PTBP3: variants seen among roughly 807,000 people sequenced by gnomAD.
PTBP3 encodes polypyrimidine tract-binding protein 3.
In PTBP3, 20 loss-of-function variants were observed where a neutral mutation model predicts 58.7. That is an observed-to-expected ratio of 0.34 (90% CI 0.24 to 0.50). The LOEUF (loss-of-function observed/expected upper bound fraction) is 0.50, where lower values mean the gene tolerates loss of function less well. Among genes scored for constraint, PTBP3 ranks in the 20% least tolerant of loss-of-function variants. The probability of loss-of-function intolerance (pLI) is 0.98; values close to 1 mark genes in which losing one functional copy is unlikely to be tolerated. For synonymous variants in PTBP3, 185 were observed against 219.8 expected (o/e 0.84, Z 1.40); for missense variants, 509 against 637.2 (o/e 0.80, Z 2.17).
chr9:112,352,045 G>A, the PTBP3 span, among the ~76,000 whole-genome samples: 1 of 151,776 alleles, frequency 6.6e-6, no homozygotes, highest in African/African-American at 2.4e-5. Flanking sequence ...AGCCTCCTGA[G>A]TAGCTGGGAC....
Position 112,297,900 on chromosome 9 carries a change from A to G in PTBP3, c.-35T>C. The G allele has an allele frequency of 6.2e-7, 1 of 1,613,300 alleles. No individual in the cohort carries two copies. Among genetic ancestry groups the G allele is most frequent in the Non-Finnish European group, 8.5e-7 (1 of 1,179,632 alleles). On this transcript the variant is annotated 5_prime_UTR_variant, in exon 2 of 14. Coordinates refer to ENST00000374257, the MANE Select transcript of PTBP3 (RefSeq NM_001163788.4). ...TCCGTTAATGATGCCAGAAGAAAGA[A>G]GCTCATCAGATCCCCGCTGAAAAGC...
chr9:112,275,786 T>C (rs970874516), intron 3 of PTBP3, 58 bp downstream of exon 3: 5 of 1,363,730 alleles, frequency 3.7e-6, no homozygotes, highest in Non-Finnish European at 5.0e-6. Flanking sequence ...ATAAAAATTA[T>C]CAGTAATACT....
At chr9:112,321,910 C>T (rs572710365) in intron 1 of PTBP3, among the ~76,000 whole-genome samples, 6 of 152,014 alleles carry the variant, frequency 3.9e-5, no homozygotes, top group African/African-American at 1.2e-4. Flanking sequence ...CCAAGGCGGG[C>T]GGATCACAAG....
At chr9:112,232,321 A>G (rs968273637) in intron 8 of PTBP3, 83 bp from the exon 9 acceptor site, 1 of 1,316,302 alleles carries the variant, frequency 7.6e-7, no homozygotes, top group African/African-American at 1.5e-5. Context: ...AATAAAGAGG[A>G]AAGGAAAACT....
chr9:112,282,205 CAAT>C (rs1827900443), intron 2 of PTBP3, among the ~76,000 whole-genome samples: 1 of 152,144 alleles, frequency 6.6e-6, no homozygotes, highest in African/African-American at 2.4e-5. Flanking sequence ...AACATTAAGT[CAAT>C]AATAATACCC....
chr9:112,305,800 C>A (rs1048510813), intron 1 of PTBP3, among the ~76,000 whole-genome samples: 1 of 152,020 alleles, frequency 6.6e-6, no homozygotes, highest in Non-Finnish European at 1.5e-5. Context: ...ATGAGCCGGG[C>A]GTGGTGACGG....
At chr9:112,282,013 G>A (rs1827888737) in intron 2 of PTBP3, among the ~76,000 whole-genome samples, 1 of 152,058 alleles carries the variant, frequency 6.6e-6, no homozygotes, top group Non-Finnish European at 1.5e-5. Flanking sequence ...TCCTCACACA[G>A]CAAGGAGAGA....
chr9:112,337,309 C>T (rs563202613), upstream of PTBP3, among the ~76,000 whole-genome samples: 1 of 152,158 alleles, frequency 6.6e-6, no homozygotes, highest in Non-Finnish European at 1.5e-5. Context: ...GGATTACAGG[C>T]GTGAGCCACC....
chr9:112,375,090 T>C, the PTBP3 span, among the ~76,000 whole-genome samples: 2 of 152,060 alleles, frequency 1.3e-5, no homozygotes, highest in Non-Finnish European at 2.9e-5. Flanking sequence ...ACAGGGGTGG[T>C]TGGGGAAAGA....
intron 1 of PTBP3, among the ~76,000 whole-genome samples, chr9:112,317,535 A>T (rs1829756111): frequency 6.6e-6 from 1 of 152,232 alleles, no homozygotes; most frequent in East Asian, 1.9e-4. Flanking sequence ...GCTGCTTTTC[A>T]AATAGACCAA....
chr9:112,300,474 C>A (rs539566034), intron 1 of PTBP3, among the ~76,000 whole-genome samples: 2 of 152,226 alleles, frequency 1.3e-5, no homozygotes, highest in African/African-American at 4.8e-5. Flanking sequence ...CAGTCACGGC[C>A]GGGCGTGGTG....
intron 7 of PTBP3, among the ~76,000 whole-genome samples, chr9:112,239,285 T>C (rs1835550034): frequency 6.6e-6 from 1 of 152,128 alleles, no homozygotes; most frequent in African/African-American, 2.4e-5. Context: ...CATGGTTATT[T>C]TGCTTCCAGA....
At chr9:112,376,952 AC>A in the PTBP3 span, among the ~76,000 whole-genome samples, 1 of 152,014 alleles carries the variant, frequency 6.6e-6, no homozygotes, top group Non-Finnish European at 1.5e-5. Flanking sequence ...AAGTTTTATG[AC>A]CCCTTTCTTC....
At chr9:112,301,411 T>C (rs1005545225) in intron 1 of PTBP3, among the ~76,000 whole-genome samples, 1 of 150,434 alleles carries the variant, frequency 6.6e-6, no homozygotes, top group African/African-American at 2.4e-5. Context: ...CAATGTAAAA[T>C]GGTACAGACA....
chr9:112,281,767 T>C (rs1020924492), intron 2 of PTBP3, among the ~76,000 whole-genome samples: 2 of 151,472 alleles, frequency 1.3e-5, no homozygotes, highest in Admixed American at 1.3e-4. Context: ...GTTTGGGAAT[T>C]TGTGTCTTTC....
At chr9:112,357,945 C>A in the PTBP3 span, among the ~76,000 whole-genome samples, 1 of 151,954 alleles carries the variant, frequency 6.6e-6, no homozygotes, top group Admixed American at 6.6e-5. Context: ...GTACTTAATG[C>A]CGTTGAACTG....
At chr9:112,275,139 AT>A (rs11424595) in intron 3 of PTBP3, among the ~76,000 whole-genome samples, 4 of 148,582 alleles carry the variant, frequency 2.7e-5, no homozygotes, top group Non-Finnish European at 3.0e-5. Context: ...TATACTTTTT[AT>A]TTTTTTTTTT....
chr9:112,369,603 T>C, the PTBP3 span, among the ~76,000 whole-genome samples: 1 of 152,348 alleles, frequency 6.6e-6, no homozygotes, highest in South Asian at 2.1e-4. Flanking sequence ...AACTTGCTTT[T>C]GATTTTACAG....
Position 112,220,989 on chromosome 9 carries a change from C to T in PTBP3, c.*2862G>A. ...TACACAGATCTAGTTTTTCCACCAT[C>T]CTGATATTTTTTAATCTTTTTTTTA... On this transcript the variant is annotated 3_prime_UTR_variant, in exon 14 of 14. Transcript: ENST00000374257. 1.0e-6 allele frequency: 1 copy of T among 971,498 alleles called. No individual in the cohort carries two copies. The highest frequency in any genetic ancestry group is 1.2e-6 in the Non-Finnish European group (1 of 817,354). 60.2% of individuals were successfully genotyped at this position (971,498 alleles called of 1,614,324 possible).
Sources: gnomAD v4.1 joint callset for allele counts (sites outside exome capture counted in the v4.1 genomes callset) on GRCh38, gnomAD v4.1.1 for gene constraint, MANE v1.5 for transcripts, NCBI Gene and HGNC (gene_info 2026-07-23, HGNC 2026-07-21) for gene names.